Variants in PCDHGA7 observed in about 807,000 individuals in gnomAD.
PCDHGA7 encodes protocadherin gamma-A7.
A neutral mutation model predicts 58.3 loss-of-function variants in PCDHGA7; 44 were observed. That is an observed-to-expected ratio of 0.75 (90% CI 0.59 to 0.97). PCDHGA7 has a LOEUF of 0.97. Among genes scored for constraint, PCDHGA7 ranks in the 50% least tolerant of loss-of-function variants. PCDHGA7 has a pLI of 0.00. For synonymous variants in PCDHGA7, 516 were observed against 504.2 expected (o/e 1.02, Z -0.31); for missense variants, 1,266 against 1,188.7 (o/e 1.06, Z -0.96).
At chr5:141,405,083 C>T in intron 1 of PCDHGA7, 1 of 1,613,942 alleles carries the variant, frequency 6.2e-7, no homozygotes, top group Non-Finnish European at 8.5e-7. Flanking sequence ...CGTTATCACG[C>T]TGCTGGCCCT....
At chr5:141,408,500 A>G in intron 1 of PCDHGA7, 1 of 1,614,018 alleles carries the variant, frequency 6.2e-7, no homozygotes, top group Non-Finnish European at 8.5e-7. Context: ...CAAAGAGAGA[A>G]GAAGATGTGA....
In PCDHGA7 at chr5:141,505,466, T is replaced by C. The variant is rs763151131; in HGVS notation, c.2557T>C (p.Leu853=). 1 of 1,614,200 alleles carries C rather than the reference T, an allele frequency of 6.2e-7. No individual in the cohort carries two copies. The highest frequency in any genetic ancestry group is 1.3e-5 in the African/African-American group (1 of 75,068). The part of the protein sequence containing the change: ...FDTEMLQAMI[L]ASASEAADGS... Reference sequence around the variant, plus strand: ...CACAGAGATGCTGCAAGCCATGATCTTGGCGTCCGCCAGTGGTAAGTGGTG... The same window carrying C: ...CACAGAGATGCTGCAAGCCATGATCCTGGCGTCCGCCAGTGGTAAGTGGTG... The change falls in exon 3 of 4, where the codon TTG becomes CTG. Residue 853 remains leucine, a synonymous_variant. Transcript: ENST00000518325.
chr5:141,448,211 T>TA (rs2098575794), intron 1 of PCDHGA7, among the ~76,000 whole-genome samples: 1 of 152,212 alleles, frequency 6.6e-6, no homozygotes, highest in East Asian at 1.9e-4. Flanking sequence ...TTTCTGTGTG[T>TA]ATGCGAATGT....
At chr5:141,483,801 C>CT (rs1486591615) in intron 1 of PCDHGA7, among the ~76,000 whole-genome samples, 8 of 152,168 alleles carry the variant, frequency 5.3e-5, no homozygotes, top group Non-Finnish European at 8.8e-5. Flanking sequence ...GTTGTTGCTG[C>CT]TTTTTTTGGC....
intron 1 of PCDHGA7, chr5:141,430,441 C>A (rs1168234012): frequency 5.2e-6 from 1 of 192,346 alleles, no homozygotes; most frequent in Non-Finnish European, 1.0e-5. Flanking sequence ...GATTTCCATC[C>A]CCTTTTGAAG....
At chr5:141,393,961 T>C (rs775398827) in intron 1 of PCDHGA7, 1 of 1,613,960 alleles carries the variant, frequency 6.2e-7, no homozygotes, top group South Asian at 1.1e-5. Flanking sequence ...GGTCAAGTTG[T>C]CTGTTACACA....
chr5:141,409,262 G>C (rs768196825), intron 1 of PCDHGA7: 1 of 1,613,952 alleles, frequency 6.2e-7, no homozygotes, highest in Admixed American at 1.7e-5. Flanking sequence ...TTCTCTCTCT[G>C]ATCAGATTTT....
In PCDHGA7 at chr5:141,491,807, G is replaced by A; in HGVS notation, c.2425-3000G>A. On this transcript the variant is annotated intron_variant, in intron 1 of 3. Transcript: ENST00000518325. The surrounding 1 kb of genome is among the most constrained non-coding windows in gnomAD (Gnocchi z 6.9). ...CATCCACTCCTCTCCGGCCGGCTTG[G>A]TCGCTGGCTGCGCTCCACCCGATTC... is the stretch of plus-strand genomic sequence containing the variant. 1 of 1,491,112 alleles carries A rather than the reference G, an allele frequency of 6.7e-7. No homozygotes were observed. The highest frequency in any genetic ancestry group is 1.4e-5 in the South Asian group (1 of 73,752). The allele number at this position is 1,491,112 out of a possible 1,614,324, so 92.4% of individuals were successfully genotyped here. A position where few individuals can be genotyped will look rare whatever the true frequency, so the allele number is the denominator to read the frequency against.
intron 1 of PCDHGA7, chr5:141,417,591 C>T (rs1287721863): frequency 2.1e-6 from 1 of 484,478 alleles, no homozygotes; most frequent in East Asian, 3.4e-5. Context: ...CACAGAGCCT[C>T]TGGGCGCCGC....
chr5:141,403,213 G>A (rs1314899957), intron 1 of PCDHGA7: 1 of 1,613,970 alleles, frequency 6.2e-7, no homozygotes, highest in Non-Finnish European at 8.5e-7. Flanking sequence ...TGGTCACCGC[G>A]GGTAGGATAG....
intron 1 of PCDHGA7, among the ~76,000 whole-genome samples, chr5:141,492,762 T>C (rs917580804): frequency 2.6e-5 from 4 of 152,206 alleles, no homozygotes; most frequent in African/African-American, 9.6e-5. Flanking sequence ...GGGCTCCGCG[T>C]TGGGCGAGTG....
In PCDHGA7 at chr5:141,487,414, T is replaced by C; in HGVS notation, c.2425-7393T>C. On this transcript the variant is annotated intron_variant, in intron 1 of 3. Coordinates refer to ENST00000518325, the MANE Select transcript of PCDHGA7 (RefSeq NM_018920.4). This position sits in a 1 kb window ranked among gnomAD's most constrained non-coding sequence, Gnocchi z 5.0. The stretch of plus-strand genomic sequence containing the variant: ...GGAGGGAGGGGCTTCCCCCTTCCAA[T>C]GGGATCCTCCGAATCCAGCTAGGGT... 3.7e-6 allele frequency: 6 copies of C among 1,614,174 alleles called. No individual in the cohort carries two copies. The highest frequency in any genetic ancestry group is 5.1e-6 in the Non-Finnish European group (6 of 1,180,006).
chr5:141,501,292 C>CACAT (rs200296563), intron 2 of PCDHGA7, among the ~76,000 whole-genome samples: 14,029 of 50,334 alleles, frequency 0.28, 723 homozygotes, highest in Admixed American at 0.4. Flanking sequence ...TTCCCTTATA[C>CACAT]ACACACACAC....
intron 1 of PCDHGA7, among the ~76,000 whole-genome samples, chr5:141,397,443 A>G (rs1307784938): frequency 6.6e-6 from 1 of 152,244 alleles, no homozygotes; most frequent in African/African-American, 2.4e-5. Flanking sequence ...TATGTGTAAT[A>G]TAAAACACTA....
rs774487660 is a variant in PCDHGA7, at chr5:141,404,806, G to C, written c.2424+19483G>C. 6 of 1,613,874 alleles carry C rather than the reference G, an allele frequency of 3.7e-6. No individual in the cohort carries two copies. In the South Asian group the frequency reaches 5.5e-5, roughly 15 times the overall value. On this transcript the variant is annotated intron_variant, in intron 1 of 3. Transcript: ENST00000518325. ...AGGCCAGTGAGCCAGGGCTCTTCTCGGTGGGGCTGCACACAGGTGAAGTGC... is the reference window on the plus strand; with the variant it reads ...AGGCCAGTGAGCCAGGGCTCTTCTCCGTGGGGCTGCACACAGGTGAAGTGC...
At chr5:141,404,041 A>G in intron 1 of PCDHGA7, 1 of 1,613,936 alleles carries the variant, frequency 6.2e-7, no homozygotes, top group Non-Finnish European at 8.5e-7. Context: ...CACCTCAGGG[A>G]ACAGTAATTC....
chr5:141,384,572 A>G lies in PCDHGA7; in HGVS notation c.1673A>G (p.Asn558Ser). Residue 558 changes from asparagine to serine, a missense_variant, in exon 1 of 4, where the codon AAC (asparagine) becomes AGC (serine). Asn to Ser is a conservative substitution (Grantham distance 46, BLOSUM62 1). Transcript: ENST00000518325. ...LSLFVLDQNDNPPEILYPALP... is the reference protein window; with the variant it reads ...LSLFVLDQNDSPPEILYPALP... The stretch of plus-strand genomic sequence containing the variant: ...CTGTTCGTGCTGGACCAGAATGACA[A>G]CCCGCCCGAGATCCTGTACCCGGCC... The G allele has an allele frequency of 6.2e-7, 1 of 1,613,908 alleles. No homozygotes were observed. The highest frequency in any genetic ancestry group is 8.5e-7 in the Non-Finnish European group (1 of 1,179,956).
intron 1 of PCDHGA7, chr5:141,388,314 G>C: frequency 6.2e-7 from 1 of 1,613,824 alleles, no homozygotes; most frequent in Non-Finnish European, 8.5e-7. Context: ...GCAAATAAGT[G>C]AGTCTGCACA....
At chr5:141,470,872 T>TTTTTTG (rs900302332) in intron 1 of PCDHGA7, among the ~76,000 whole-genome samples, 2 of 151,814 alleles carry the variant, frequency 1.3e-5, no homozygotes, top group Admixed American at 1.3e-4. Context: ...GTTTGTTTGT[T>TTTTTTG]TTTTTGTTTT....
Sources: allele counts gnomAD v4.1 joint callset (sites outside exome capture counted in the v4.1 genomes callset), GRCh38; gene constraint gnomAD v4.1.1; non-coding constraint Gnocchi (gnomAD v3.1); transcripts MANE v1.5; gene names NCBI Gene and HGNC (gene_info 2026-07-23, HGNC 2026-07-21).